CERKL: variants seen among roughly 807,000 people sequenced by gnomAD.
The protein encoded by CERKL is ceramide kinase-like protein.
Under a neutral mutation model 63.4 loss-of-function variants are expected in CERKL, and 61 were observed. The ratio of observed to expected loss-of-function variants is 0.96; its 90% CI spans 0.78 to 1.19. The LOEUF is 1.19. CERKL is among the 50% of genes most tolerant of loss of function. The pLI, the probability that CERKL is intolerant of heterozygous loss-of-function variation, is 0.00. For missense variants in CERKL, 675 were observed against 655.5 expected (o/e 1.03, Z -0.33); for synonymous variants, 250 against 230.5 (o/e 1.08, Z -0.77).
At chr2:181,638,637 G>A (rs1357187900) in intron 1 of CERKL, among the ~76,000 whole-genome samples, 2 of 152,222 alleles carry the variant, frequency 1.3e-5, no homozygotes, top group African/African-American at 4.8e-5. Context: ...ATCCCAATGA[G>A]TGTAGTCATT....
chr2:181,638,918 T>C (rs1327458089), intron 1 of CERKL, among the ~76,000 whole-genome samples: 7 of 152,050 alleles, frequency 4.6e-5, no homozygotes, highest in Admixed American at 4.6e-4. Flanking sequence ...GCCATCCCAG[T>C]CTGAAGGTTA....
chr2:181,607,903 C>T (rs1413385539), intron 1 of CERKL, among the ~76,000 whole-genome samples: 1 of 152,188 alleles, frequency 6.6e-6, no homozygotes, highest in Non-Finnish European at 1.5e-5. Flanking sequence ...TATCTCTTAC[C>T]CACCTTAAAA....
At chr2:181,565,991 G>T in intron 4 of CERKL, 67 bp downstream of exon 4, 2 of 1,086,322 alleles carry the variant, frequency 1.8e-6, no homozygotes, top group Non-Finnish European at 2.8e-6. Flanking sequence ...CAAATATGTA[G>T]CTAAAACTAG....
At chr2:181,556,398 C>T (rs566310598) in intron 5 of CERKL, among the ~76,000 whole-genome samples, 15 of 152,138 alleles carry the variant, frequency 9.9e-5, no homozygotes, top group Non-Finnish European at 1.5e-4. Flanking sequence ...CCCACCTTCC[C>T]CCACCCCACA....
intron 1 of CERKL, among the ~76,000 whole-genome samples, chr2:181,605,155 T>C (rs1371241351): frequency 6.6e-6 from 1 of 152,180 alleles, no homozygotes. Context: ...AAGTGGACCC[T>C]ACGACCGCCC....
intron 1 of CERKL, among the ~76,000 whole-genome samples, chr2:181,616,491 T>C (rs9789379): frequency 0.74 from 112,480 of 152,088 alleles, 42,957 homozygotes; most frequent in East Asian, 0.94. Flanking sequence ...GGATTACAGG[T>C]GTGAGCCACC....
intron 1 of CERKL, among the ~76,000 whole-genome samples, chr2:181,647,889 AC>A (rs1317730487): frequency 6.6e-6 from 1 of 152,168 alleles, no homozygotes; most frequent in African/African-American, 2.4e-5. Context: ...AGAAATTAAA[AC>A]AAGATCTATC....
intron 12 of CERKL, among the ~76,000 whole-genome samples, chr2:181,538,625 TC>T (rs1178139945): frequency 1.6e-4 from 24 of 152,112 alleles, no homozygotes; most frequent in Admixed American, 1.1e-3. Context: ...GTAAAATTGT[TC>T]CCAAGGGAAG....
At chr2:181,542,798 A>C (rs193256609) in intron 11 of CERKL, among the ~76,000 whole-genome samples, 23 of 152,314 alleles carry the variant, frequency 1.5e-4, no homozygotes, top group African/African-American at 5.1e-4. Context: ...TATCTCTTAG[A>C]AAACGTCTTC....
chr2:181,590,888 C>T (rs906961074), intron 2 of CERKL, among the ~76,000 whole-genome samples: 1 of 152,142 alleles, frequency 6.6e-6, no homozygotes, highest in South Asian at 2.1e-4. Context: ...AACAAAACTA[C>T]ACATGTGCTT....
intron 1 of CERKL, among the ~76,000 whole-genome samples, chr2:181,626,262 G>T (rs2105924394): frequency 6.6e-6 from 1 of 152,186 alleles, no homozygotes; most frequent in East Asian, 1.9e-4. Flanking sequence ...GGAAAACAAT[G>T]AAGACTAAGA....
chr2:181,599,738 C>G (rs1685379198), intron 2 of CERKL, among the ~76,000 whole-genome samples: 1 of 151,986 alleles, frequency 6.6e-6, no homozygotes, highest in Non-Finnish European at 1.5e-5. Flanking sequence ...TACTGGCATT[C>G]TTGATGGAGA....
intron 4 of CERKL, among the ~76,000 whole-genome samples, chr2:181,564,909 G>A (rs1344416237): frequency 6.6e-6 from 1 of 152,106 alleles, no homozygotes; most frequent in East Asian, 1.9e-4. Flanking sequence ...CTACCTCTAA[G>A]TATAAAGTTC....
chr2:181,624,746 G>A (rs367639156), intron 1 of CERKL, among the ~76,000 whole-genome samples: 18 of 152,264 alleles, frequency 1.2e-4, no homozygotes, highest in African/African-American at 4.3e-4. Context: ...AAAGACAAAG[G>A]GTGGAATGTA....
chr2:181,586,790 G>A (rs536127120), intron 2 of CERKL, among the ~76,000 whole-genome samples: 3 of 152,292 alleles, frequency 2.0e-5, no homozygotes, highest in African/African-American at 7.2e-5. Flanking sequence ...CCAAACAAAG[G>A]CTCATGAGAG....
intron 2 of CERKL, among the ~76,000 whole-genome samples, chr2:181,576,771 A>G (rs1021321742): frequency 6.6e-6 from 1 of 152,220 alleles, no homozygotes; most frequent in Non-Finnish European, 1.5e-5. Context: ...TAGATTCTAC[A>G]TGTATTTTGA....
Position 181,657,078 on chromosome 2 carries a change from A to C in CERKL, c.-72T>G, listed in dbSNP as rs1328129800. 7.3e-7 allele frequency: 1 copy of C among 1,371,656 alleles called. No individual in the cohort carries two copies. The highest frequency in any genetic ancestry group is 1.0e-6 in the Non-Finnish European group (1 of 990,032). The allele number at this position is 1,371,656 out of a possible 1,614,324, so 85.0% of individuals were successfully genotyped here. On this transcript the variant is annotated 5_prime_UTR_variant, in exon 1 of 13. Transcript: ENST00000410087. Reference sequence around the variant, plus strand: ...TGGAGAAGGAGGTGGAGGGCGCGGCAGCCCCAGCTCTAGCCGCGTCCAGCG... The same window carrying C: ...TGGAGAAGGAGGTGGAGGGCGCGGCCGCCCCAGCTCTAGCCGCGTCCAGCG...
chr2:181,541,378 G>C (rs1204760691), intron 11 of CERKL, among the ~76,000 whole-genome samples: 1 of 152,174 alleles, frequency 6.6e-6, no homozygotes, highest in African/African-American at 2.4e-5. Flanking sequence ...ATTTCTGTTT[G>C]TTTAAGCCAT....
intron 11 of CERKL, among the ~76,000 whole-genome samples, chr2:181,542,850 T>C (rs1233947294): frequency 6.6e-6 from 1 of 152,232 alleles, no homozygotes; most frequent in Admixed American, 6.5e-5. Context: ...TGTCTGTCTT[T>C]ATGTGTAAGG....
Sources: gnomAD v4.1 joint callset for allele counts (sites outside exome capture counted in the v4.1 genomes callset) on GRCh38, gnomAD v4.1.1 for gene constraint, MANE v1.5 for transcripts, NCBI Gene and HGNC (gene_info 2026-07-23, HGNC 2026-07-21) for gene names.